MFSD1: variants seen among roughly 807,000 people sequenced by gnomAD.
MFSD1 encodes the protein lysosomal dipeptide transporter MFSD1.
MFSD1 carries 59 observed loss-of-function variants against 67.1 expected under a neutral mutation model. The ratio of observed to expected loss-of-function variants is 0.88; its 90% CI spans 0.71 to 1.09. MFSD1 has a LOEUF of 1.09. Among genes scored for constraint, MFSD1 ranks in the 50% least tolerant of loss-of-function variants. The probability of loss-of-function intolerance (pLI) is 0.00; values close to 1 mark genes in which losing one functional copy is unlikely to be tolerated. For missense variants in MFSD1, 552 were observed against 566.1 expected (o/e 0.97, Z 0.25); for synonymous variants, 213 against 200.3 (o/e 1.06, Z -0.54).
At chr3:158,802,749 G>T (rs1729523449) in intron 1 of MFSD1, 36 of 360,342 alleles carry the variant, frequency 1.0e-4, no homozygotes, top group South Asian at 7.3e-4. Context: ...CACCCAGCCC[G>T]GAGTGCAGTG....
In MFSD1 at chr3:158,829,081, A is replaced by G; in HGVS notation, c.*99A>G. 1.7e-6 allele frequency: 2 copies of G among 1,162,442 alleles called. No homozygotes were observed. Among genetic ancestry groups the G allele is most frequent in the Non-Finnish European group, 2.5e-6 (2 of 815,366 alleles). 72.0% of individuals were successfully genotyped at this position (1,162,442 alleles called of 1,614,324 possible). On this transcript the variant is annotated 3_prime_UTR_variant, in exon 16 of 16. Transcript: ENST00000415822. ...TAGAGTTTAGTCATTAGAAAAAATA[A>G]TGGACTGGAAAGTTATATTTATATC...
At chr3:158,805,255 A>C (rs1056439328) in intron 2 of MFSD1, 107 bp from the exon 3 acceptor site, 1 of 914,200 alleles carries the variant, frequency 1.1e-6, no homozygotes, top group Non-Finnish European at 1.8e-6. Flanking sequence ...TGCCCTTTAC[A>C]GAAAGAAGAA....
Position 158,817,621 on chromosome 3 carries a change from C to T in MFSD1, c.653-2028C>T, listed in dbSNP as rs1001799288. Among the ~76,000 whole-genome samples the T allele has an allele frequency of 2.6e-5, 4 of 152,114 alleles. No individual in the cohort carries two copies. In the East Asian group the frequency reaches 5.8e-4, roughly 22 times the overall value. ...AAGAGGATACAAACAAATGGAAGAA[C>T]GTTCCATGCTCATGGGTAGGAAGAA... On this transcript the variant is annotated intron_variant, in intron 7 of 15. Coordinates refer to ENST00000415822, the MANE Select transcript of MFSD1 (RefSeq NM_022736.4).
Position 158,814,052 on chromosome 3 carries a change from A to T in MFSD1, c.637A>T (p.Ile213Phe), listed in dbSNP as rs1175702776. Residue 213 changes from isoleucine to phenylalanine, a missense_variant, in exon 7 of 16, where the codon ATC (isoleucine) becomes TTC (phenylalanine). Physicochemically the swap from Ile to Phe is conservative, Grantham distance 21. Coordinates refer to ENST00000415822, the MANE Select transcript of MFSD1 (RefSeq NM_022736.4). ...TTCTGCTGGTCACACAACCCTCGGG[A>T]TCACACTTATGATTGGTGAGTGAAT... ...LGSAGHTTLG[I>F]TLMIGGITCI... is the part of the protein sequence containing the mutation. 3.7e-6 allele frequency: 6 copies of T among 1,613,162 alleles called. No homozygotes were observed. The highest frequency in any genetic ancestry group is 5.1e-6 in the Non-Finnish European group (6 of 1,179,466).
chr3:158,827,170 A>T, intron 14 of MFSD1, 110 bp from the exon 15 acceptor site: 1 of 623,814 alleles, frequency 1.6e-6, no homozygotes, highest in East Asian at 3.1e-5. Context: ...TTTTTCTATT[A>T]CTTAAAATAC....
At chr3:158,810,274 G>A (rs898832232) in intron 6 of MFSD1, among the ~76,000 whole-genome samples, 6 of 151,940 alleles carry the variant, frequency 3.9e-5, no homozygotes, top group Non-Finnish European at 8.8e-5. Context: ...ATCCCATTAG[G>A]TTTTTTCTCT....
intron 6 of MFSD1, among the ~76,000 whole-genome samples, chr3:158,813,411 G>A (rs529664353): frequency 6.6e-6 from 1 of 152,198 alleles, no homozygotes; most frequent in Admixed American, 6.5e-5. Flanking sequence ...CTCCCAATAT[G>A]CTGGGATTAC....
At chr3:158,827,961 A>G (rs1731090772) in intron 15 of MFSD1, among the ~76,000 whole-genome samples, 1 of 122,942 alleles carries the variant, frequency 8.1e-6, no homozygotes, top group African/African-American at 2.9e-5. Context: ...AGAGAGAGAG[A>G]GAGAGAGAGA....
At chr3:158,815,867 T>G (rs1277265763) in intron 7 of MFSD1, among the ~76,000 whole-genome samples, 2 of 149,370 alleles carry the variant, frequency 1.3e-5, no homozygotes, top group African/African-American at 4.9e-5. Flanking sequence ...AGTGTTCTCA[T>G]TGTTCAATTC....
chr3:158,820,768 AACTC>A (rs1049708154), intron 9 of MFSD1, among the ~76,000 whole-genome samples: 18 of 152,164 alleles, frequency 1.2e-4, no homozygotes, highest in African/African-American at 3.6e-4. Flanking sequence ...ATCTCGTGAG[AACTC>A]ACTCACTATC....
At chr3:158,817,465 AG>A (rs1479096543) in intron 7 of MFSD1, among the ~76,000 whole-genome samples, 2 of 152,356 alleles carry the variant, frequency 1.3e-5, no homozygotes, top group East Asian at 1.9e-4. Context: ...ACAGACAAAC[AG>A]AGAGCCAAAT....
intron 6 of MFSD1, among the ~76,000 whole-genome samples, chr3:158,810,147 A>G (rs1729925063): frequency 6.6e-6 from 1 of 152,152 alleles, no homozygotes; most frequent in Non-Finnish European, 1.5e-5. Context: ...ACCTCAGCCT[A>G]TAGAATAGTG....
Position 158,823,494 on chromosome 3 carries a change from C to T in MFSD1, c.1144C>T (p.Pro382Ser), listed in dbSNP as rs775031375. ...ALWPMVAFVVPEHQLGTAYGF... is the reference protein window; with the variant it reads ...ALWPMVAFVVSEHQLGTAYGF... ...GTGGCCAATGGTGGCATTTGTAGTTCCTGAACATCAGCTGGGAACTGCATA... is the reference window on the plus strand; with the variant it reads ...GTGGCCAATGGTGGCATTTGTAGTTTCTGAACATCAGCTGGGAACTGCATA... Residue 382 changes from proline to serine, a missense_variant, in exon 12 of 16, where the codon CCT (proline) becomes TCT (serine). Coordinates refer to ENST00000415822, the MANE Select transcript of MFSD1 (RefSeq NM_022736.4). 1.4e-5 allele frequency: 22 copies of T among 1,613,500 alleles called. No homozygotes were observed. Among genetic ancestry groups the T allele is most frequent in the Admixed American group, 1.7e-5 (1 of 60,012 alleles).
At chr3:158,803,491 T>TA (rs1296830751) in intron 1 of MFSD1, among the ~76,000 whole-genome samples, 1 of 151,496 alleles carries the variant, frequency 6.6e-6, no homozygotes, top group South Asian at 2.1e-4. Flanking sequence ...AATAAAACAT[T>TA]AAAAAAAATG....
chr3:158,819,520 C>T, intron 7 of MFSD1, 129 bp from the exon 8 acceptor site: 1 of 474,018 alleles, frequency 2.1e-6, no homozygotes, highest in Non-Finnish European at 3.7e-6. Context: ...GCAGATTTTT[C>T]TCGTGTCTTT....
intron 10 of MFSD1, 112 bp downstream of exon 10, chr3:158,821,765 G>C (rs776582597): frequency 9.5e-7 from 1 of 1,047,226 alleles, no homozygotes; most frequent in Non-Finnish European, 1.4e-6. Flanking sequence ...TTTTAAGTGC[G>C]AAACTGGGAC....
chr3:158,804,994 A>T (rs1729652265), intron 2 of MFSD1, among the ~76,000 whole-genome samples: 1 of 152,166 alleles, frequency 6.6e-6, no homozygotes, highest in Admixed American at 6.5e-5. Context: ...GTAGGTAGGG[A>T]TAGGCTAAGA....
chr3:158,827,618 G>C (rs1731052198), intron 15 of MFSD1, among the ~76,000 whole-genome samples: 1 of 151,854 alleles, frequency 6.6e-6, no homozygotes, highest in African/African-American at 2.4e-5. Flanking sequence ...GTTTTGCCAT[G>C]TTGCCCAGGC....
In MFSD1 at chr3:158,814,082, T is replaced by A. The variant is rs558875036; in HGVS notation, c.652+15T>A. The A allele has an allele frequency of 2.5e-6, 4 of 1,580,810 alleles. 1 individual carries two copies. The highest frequency in any genetic ancestry group is 1.7e-6 in the Non-Finnish European group (2 of 1,150,238). ...ACTTATGATTGGTGAGTGAATCCCA[T>A]GTCCCACATCTCTCCTCTTCTGAAG... On this transcript the variant is annotated intron_variant, in intron 7 of 15. Coordinates refer to ENST00000415822, the MANE Select transcript of MFSD1 (RefSeq NM_022736.4).
Sources: allele counts gnomAD v4.1 joint callset (sites outside exome capture counted in the v4.1 genomes callset), GRCh38; gene constraint gnomAD v4.1.1; transcripts MANE v1.5; gene names NCBI Gene and HGNC (gene_info 2026-07-23, HGNC 2026-07-21).